Variants in MPHOSPH9 observed in about 807,000 individuals in gnomAD.
MPHOSPH9 encodes M-phase phosphoprotein 9.
A neutral mutation model predicts 145.5 loss-of-function variants in MPHOSPH9; 88 were observed. The observed-to-expected ratio is 0.60, with a 90% CI of 0.51 to 0.72. The LOEUF (loss-of-function observed/expected upper bound fraction) is 0.72. Among genes scored for constraint, MPHOSPH9 ranks in the 30% least tolerant of loss-of-function variants. The probability of loss-of-function intolerance (pLI) is 0.00; values close to 1 mark genes in which losing one functional copy is unlikely to be tolerated. For synonymous variants in MPHOSPH9, 435 were observed against 486.2 expected, an observed-to-expected ratio of 0.89 and a Z score of 1.39; for missense variants, 1,238 against 1,386.6, an observed-to-expected ratio of 0.89 and a Z score of 1.70.
chr12:123,201,715 C>T (rs1342816386), intron 11 of MPHOSPH9, among the ~76,000 whole-genome samples: 1 of 152,064 alleles, frequency 6.6e-6, no homozygotes, highest in East Asian at 1.9e-4. Context: ...TGCAAGGACT[C>T]TACTACTAAT....
chr12:123,181,362 G>T lies in MPHOSPH9; in HGVS notation c.2242-152C>A, dbSNP rs1593115527. The T allele has an allele frequency of 4.8e-6, 3 of 626,286 alleles. No homozygotes were observed. In the East Asian group the frequency reaches 8.2e-5, roughly 17 times the overall value. The allele number at this position is 626,286 out of a possible 1,614,324, so 38.8% of individuals were successfully genotyped here. ...TAGAGAACTGGTGATTCAATGTAAA[G>T]GGAATGGGACAATTCTCAATTTCTG... On this transcript the variant is annotated intron_variant, in intron 13 of 23. Coordinates refer to ENST00000606320, the MANE Select transcript of MPHOSPH9 (RefSeq NM_022782.4).
chr12:123,165,548 C>T (rs777120813), intron 17 of MPHOSPH9, 71 bp from the exon 18 acceptor site: 88 of 1,341,454 alleles, frequency 6.6e-5, no homozygotes, highest in Non-Finnish European at 9.0e-5. Context: ...GCCCCCACAC[C>T]AAACATACAT....
intron 1 of MPHOSPH9, among the ~76,000 whole-genome samples, chr12:123,238,413 CAA>C (rs927763257): frequency 2.0e-5 from 3 of 152,066 alleles, no homozygotes; most frequent in African/African-American, 7.2e-5. Flanking sequence ...AAGGAAGAGA[CAA>C]GACGGAATAA....
chr12:123,238,537 G>A (rs1358014962), intron 1 of MPHOSPH9, among the ~76,000 whole-genome samples: 2 of 152,152 alleles, frequency 1.3e-5, no homozygotes, highest in East Asian at 1.9e-4. Flanking sequence ...TTTTGAGACC[G>A]AGGCAGGCAG....
intron 12 of MPHOSPH9, among the ~76,000 whole-genome samples, chr12:123,196,378 A>G (rs1181905472): frequency 6.6e-6 from 1 of 152,098 alleles, no homozygotes; most frequent in Non-Finnish European, 1.5e-5. Context: ...GACAGTTTCC[A>G]CCAAAATTTT....
chr12:123,213,587 C>A (rs2138500956), intron 7 of MPHOSPH9, among the ~76,000 whole-genome samples: 1 of 152,144 alleles, frequency 6.6e-6, no homozygotes, highest in East Asian at 1.9e-4. Flanking sequence ...GATCCTCATA[C>A]CTTGGACTCT....
chr12:123,210,249 A>T (rs1450861066), intron 7 of MPHOSPH9, 87 bp from the exon 8 acceptor site: 1 of 681,604 alleles, frequency 1.5e-6, no homozygotes, highest in Non-Finnish European at 2.3e-6. Flanking sequence ...AAAGGAAATT[A>T]AATATGGGAA....
At chr12:123,205,302 T>C (rs1383260012) in intron 8 of MPHOSPH9, among the ~76,000 whole-genome samples, 1 of 152,170 alleles carries the variant, frequency 6.6e-6, no homozygotes, top group Non-Finnish European at 1.5e-5. Context: ...TCCCAACACT[T>C]TGGGAGGCCA....
intron 1 of MPHOSPH9, among the ~76,000 whole-genome samples, chr12:123,239,230 C>G (rs979608555): frequency 6.6e-6 from 1 of 152,166 alleles, no homozygotes; most frequent in African/African-American, 2.4e-5. Context: ...GATGGCGCCA[C>G]TATACTCCAG....
intron 21 of MPHOSPH9, 98 bp downstream of exon 21, chr12:123,162,017 A>T: frequency 1.5e-6 from 1 of 684,424 alleles, no homozygotes. Flanking sequence ...GAAAATATTT[A>T]AGTGCAAGAT....
intron 18 of MPHOSPH9, among the ~76,000 whole-genome samples, chr12:123,164,785 G>T (rs1388815460): frequency 6.6e-6 from 1 of 152,134 alleles, no homozygotes; most frequent in Non-Finnish European, 1.5e-5. Flanking sequence ...AAGGCGGGTG[G>T]ACCACTTGAA....
At chr12:123,166,570 A>G in intron 17 of MPHOSPH9, 85 bp downstream of exon 17, 1 of 1,451,140 alleles carries the variant, frequency 6.9e-7, no homozygotes, top group South Asian at 1.2e-5. Flanking sequence ...AACCAAAGAG[A>G]GGGCTTCCCA....
intron 13 of MPHOSPH9, among the ~76,000 whole-genome samples, chr12:123,190,273 C>A (rs899311984): frequency 3.9e-5 from 6 of 151,928 alleles, no homozygotes; most frequent in Non-Finnish European, 7.4e-5. Flanking sequence ...CTGCCTCAGC[C>A]TCCCGAGTAG....
intron 11 of MPHOSPH9, among the ~76,000 whole-genome samples, chr12:123,200,555 G>C (rs1297419826): frequency 6.6e-6 from 1 of 151,868 alleles, no homozygotes; most frequent in Non-Finnish European, 1.5e-5. Context: ...TTTATTCTAG[G>C]TACCTTCTTT....
At chr12:123,226,338 G>A (rs1433497715) in intron 3 of MPHOSPH9, 12 of 1,167,686 alleles carry the variant, frequency 1.0e-5, no homozygotes, top group East Asian at 6.7e-5. Flanking sequence ...CTTTCATTTC[G>A]CTTACTCTAC....
Position 123,210,104 on chromosome 12 carries a change from T to C in MPHOSPH9, c.1146A>G (p.Leu382=). ...AAGACAATGATATGAACGTCTTCTC[T>C]AAAGTTTCAGGCAAAGAGTGGTGCA... ...KDMHHSLPET[L]EKTFISLSST... Residue 382 remains leucine, a synonymous_variant, in exon 8 of 24, where the codon TTA becomes TTG. Transcript: ENST00000606320. 1 of 1,611,992 alleles carries C rather than the reference T, an allele frequency of 6.2e-7. No homozygotes were observed. The highest frequency in any genetic ancestry group is 8.5e-7 in the Non-Finnish European group (1 of 1,179,022).
At chr12:123,158,782 C>T (rs937542508) in intron 23 of MPHOSPH9, among the ~76,000 whole-genome samples, 2 of 152,194 alleles carry the variant, frequency 1.3e-5, no homozygotes, top group Non-Finnish European at 2.9e-5. Flanking sequence ...AGGCACACCA[C>T]CACAACCGGC....
At chr12:123,206,511 G>GAGAAGAGAAGAGAA (rs1565950068) in intron 8 of MPHOSPH9, among the ~76,000 whole-genome samples, 15 of 87,926 alleles carry the variant, frequency 1.7e-4, no homozygotes, top group African/African-American at 6.1e-4. Context: ...GGAGAGGAGA[G>GAGAAGAGAAGAGAA]GAGAAGAGAA....
chr12:123,162,353 T>C, intron 20 of MPHOSPH9, 135 bp from the exon 21 acceptor site: 1 of 417,868 alleles, frequency 2.4e-6, no homozygotes, highest in Non-Finnish European at 4.2e-6. Flanking sequence ...GTTATGTAAT[T>C]GTCTAAAACT....
Sources: gnomAD v4.1 joint callset for allele counts (sites outside exome capture counted in the v4.1 genomes callset) on GRCh38, gnomAD v4.1.1 for gene constraint, MANE v1.5 for transcripts, NCBI Gene and HGNC (gene_info 2026-07-23, HGNC 2026-07-21) for gene names.